The following FSHR variants were observed in gnomAD, a reference collection of about 807,000 sequenced individuals.
FSHR encodes follicle stimulating hormone receptor.
In FSHR, 46 loss-of-function variants were observed where a neutral mutation model predicts 52.1. That is an observed-to-expected ratio of 0.88 (90% CI 0.70 to 1.13). FSHR has a LOEUF of 1.13. Among genes scored for constraint, FSHR ranks in the 50% most tolerant of loss-of-function variants. The pLI, the probability that FSHR is intolerant of heterozygous loss-of-function variation, is 0.00. For synonymous variants in FSHR, 399 were observed against 309.6 expected, an observed-to-expected ratio of 1.29 and a Z score of -3.03; for missense variants, 964 against 834.6, an observed-to-expected ratio of 1.16 and a Z score of -1.91.
intron 1 of FSHR, among the ~76,000 whole-genome samples, chr2:49,088,641 A>G (rs567821159): frequency 1.3e-5 from 2 of 152,290 alleles, no homozygotes; most frequent in East Asian, 3.9e-4. Context: ...ACCTGATTTA[A>G]CTGTGAATTT....
intron 1 of FSHR, among the ~76,000 whole-genome samples, chr2:49,088,965 A>G (rs561637940): frequency 6.6e-6 from 1 of 152,318 alleles, no homozygotes; most frequent in South Asian, 2.1e-4. Context: ...CTGACTGTGT[A>G]AAATGCAAAT....
intron 4 of FSHR, among the ~76,000 whole-genome samples, chr2:49,013,662 G>A (rs932863714): frequency 3.3e-5 from 5 of 151,376 alleles, no homozygotes; most frequent in Non-Finnish European, 7.4e-5. Context: ...GTAAGTCAAA[G>A]CCTTAAGATA....
At chr2:49,127,898 C>CTTTTCTTTTTTTT (rs1672120233) in intron 1 of FSHR, among the ~76,000 whole-genome samples, 2 of 27,256 alleles carry the variant, frequency 7.3e-5, no homozygotes, top group African/African-American at 3.6e-4. Flanking sequence ...TCTTCTTCTT[C>CTTTTCTTTTTTTT]TTTTTTTTTT....
intron 1 of FSHR, among the ~76,000 whole-genome samples, chr2:49,071,076 A>C (rs1330664557): frequency 2.0e-5 from 3 of 152,172 alleles, no homozygotes; most frequent in Non-Finnish European, 2.9e-5. Context: ...TGAGATGTGG[A>C]AGATGGAATG....
At chr2:49,104,932 G>A (rs1237603352) in intron 1 of FSHR, among the ~76,000 whole-genome samples, 1 of 152,108 alleles carries the variant, frequency 6.6e-6, no homozygotes, top group African/African-American at 2.4e-5. Context: ...TTGAGGGCAT[G>A]TAGAGAATGA....
At chr2:49,044,515 T>G (rs1295307425) in intron 2 of FSHR, among the ~76,000 whole-genome samples, 1 of 152,192 alleles carries the variant, frequency 6.6e-6, no homozygotes, top group Non-Finnish European at 1.5e-5. Context: ...CTCTGCAGCA[T>G]TCCTCCTTTG....
At chr2:49,072,439 T>C (rs1287218265) in intron 1 of FSHR, among the ~76,000 whole-genome samples, 1 of 152,028 alleles carries the variant, frequency 6.6e-6, no homozygotes, top group African/African-American at 2.4e-5. Flanking sequence ...AAAAATTAGA[T>C]TAAAAATTAA....
At chr2:49,153,954 TG>T (rs771686257) in intron 1 of FSHR, among the ~76,000 whole-genome samples, 3 of 152,190 alleles carry the variant, frequency 2.0e-5, no homozygotes, top group Non-Finnish European at 4.4e-5. Context: ...TTTCCTTTTC[TG>T]GTTCCACTAA....
chr2:49,033,879 C>T (rs71407540), intron 2 of FSHR, among the ~76,000 whole-genome samples: 6 of 152,206 alleles, frequency 3.9e-5, no homozygotes, highest in East Asian at 3.9e-4. Flanking sequence ...ATTTTTAGAG[C>T]TTTAAGTCCT....
Position 48,963,248 on chromosome 2 carries a change from G to A in FSHR, c.1573C>T (p.Pro525Ser). The A allele has an allele frequency of 6.2e-7, 1 of 1,614,136 alleles. No individual in the cohort carries two copies. The highest frequency in any genetic ancestry group is 8.5e-7 in the Non-Finnish European group (1 of 1,180,024). The change falls in exon 10 of 10, where the codon CCT becomes TCT. Residue 525 changes from proline to serine, a missense_variant. Pro to Ser is a moderately conservative substitution (Grantham distance 74, BLOSUM62 -1). Coordinates refer to ENST00000406846, the MANE Select transcript of FSHR (RefSeq NM_000145.4). ...SICLPMDIDSPLSQLYVMSLL... is the reference protein window; with the variant it reads ...SICLPMDIDSSLSQLYVMSLL... ...GACATGACATACAGCTGTGACAAAG[G>A]GCTGTCAATATCCATGGGCAGGCAG... is the stretch of plus-strand genomic sequence containing the variant.
At position 49,154,471 on chromosome 2, in the gene FSHR, A is replaced by G; in HGVS notation, c.-54T>C. The stretch of plus-strand genomic sequence containing the variant: ...CCTGCATTTGCAGAGAAAAACCTCC[A>G]CAGATCTCAGAAGCTCCACACAGTG... On this transcript the variant is annotated 5_prime_UTR_variant, in exon 1 of 10. Coordinates refer to ENST00000406846, the MANE Select transcript of FSHR (RefSeq NM_000145.4). The G allele has an allele frequency of 1.3e-6, 2 of 1,588,332 alleles. No homozygotes were observed. The highest frequency in any genetic ancestry group is 2.2e-5 in the East Asian group (1 of 44,588).
intron 1 of FSHR, among the ~76,000 whole-genome samples, chr2:49,096,990 C>A (rs1670843964): frequency 6.6e-6 from 1 of 152,176 alleles, no homozygotes; most frequent in African/African-American, 2.4e-5. Flanking sequence ...CAATAGCCAG[C>A]ACTGTGCCTC....
chr2:49,041,811 A>AT (rs1668488082), intron 2 of FSHR, among the ~76,000 whole-genome samples: 1 of 151,876 alleles, frequency 6.6e-6, no homozygotes, highest in African/African-American at 2.4e-5. Flanking sequence ...AAAAAAAAAA[A>AT]GAAAGCACAC....
At chr2:49,092,876 G>C (rs546334853) in intron 1 of FSHR, among the ~76,000 whole-genome samples, 1 of 152,222 alleles carries the variant, frequency 6.6e-6, no homozygotes, top group African/African-American at 2.4e-5. Context: ...ATGTTGGGCA[G>C]GCTGGTCTCG....
At chr2:48,965,012 G>T (rs566876545) in intron 9 of FSHR, among the ~76,000 whole-genome samples, 1 of 150,328 alleles carries the variant, frequency 6.7e-6, no homozygotes, top group Admixed American at 6.6e-5. Flanking sequence ...AAAAAAAATT[G>T]TACATACACA....
At chr2:49,070,261 A>G (rs2103623336) in intron 1 of FSHR, among the ~76,000 whole-genome samples, 1 of 152,284 alleles carries the variant, frequency 6.6e-6, no homozygotes, top group African/African-American at 2.4e-5. Context: ...TTTGAACCCA[A>G]GCCTCAAAAA....
At chr2:48,981,316 G>A (rs1253489151) in intron 8 of FSHR, among the ~76,000 whole-genome samples, 2 of 152,144 alleles carry the variant, frequency 1.3e-5, no homozygotes, top group Non-Finnish European at 2.9e-5. Flanking sequence ...TCTATGAGGA[G>A]GAACTTTCCT....
intron 1 of FSHR, among the ~76,000 whole-genome samples, chr2:49,117,314 G>C (rs1462012951): frequency 6.6e-6 from 1 of 152,110 alleles, no homozygotes; most frequent in Non-Finnish European, 1.5e-5. Flanking sequence ...TATGTCATCG[G>C]TGTCATTAGG....
At chr2:49,029,686 G>A (rs766954264) in intron 2 of FSHR, among the ~76,000 whole-genome samples, 7 of 152,196 alleles carry the variant, frequency 4.6e-5, no homozygotes, top group Non-Finnish European at 1.0e-4. Context: ...GTTATGCAAA[G>A]GTCGTGCTGC....
Sources: allele counts gnomAD v4.1 joint callset (sites outside exome capture counted in the v4.1 genomes callset), GRCh38; gene constraint gnomAD v4.1.1; transcripts MANE v1.5; gene names NCBI Gene and HGNC (gene_info 2026-07-23, HGNC 2026-07-21).